ZNF680: variants seen among roughly 807,000 people sequenced by gnomAD.
The protein encoded by ZNF680 is hypothetical protein FLJ90430.
Under a neutral mutation model 12.1 loss-of-function variants are expected in ZNF680, and 6 were observed. That is an observed-to-expected ratio of 0.49 (90% CI 0.27 to 0.98). The LOEUF (loss-of-function observed/expected upper bound fraction) is 0.98, where lower values mean the gene tolerates loss of function less well. Ranked by LOEUF, ZNF680 falls within the 50% of genes least tolerant of loss-of-function variation. ZNF680 has a pLI of 0.12. For synonymous variants in ZNF680, 170 were observed against 199.3 expected (o/e 0.85, Z 1.24); for missense variants, 561 against 616.3 (o/e 0.91, Z 0.95).
intron 1 of ZNF680, 112 bp from the exon 2 acceptor site, chr7:64,544,544 C>T: frequency 6.8e-7 from 1 of 1,465,528 alleles, no homozygotes; most frequent in Non-Finnish European, 9.0e-7. Context: ...GTATAGAAAA[C>T]TGATTCTGAC....
At chr7:64,523,327 T>G (rs184760621) in intron 3 of ZNF680, among the ~76,000 whole-genome samples, 1 of 152,094 alleles carries the variant, frequency 6.6e-6, no homozygotes, top group Non-Finnish European at 1.5e-5. Context: ...ATAATGTATA[T>G]TGTATCCTTT....
the ZNF680 span, among the ~76,000 whole-genome samples, chr7:64,513,086 G>A: frequency 7.2e-5 from 11 of 152,200 alleles, no homozygotes; most frequent in South Asian, 6.2e-4. Flanking sequence ...GCCAAAAAGC[G>A]TATGTGCCCC....
chr7:64,518,017 C>T (rs1791388984), downstream of ZNF680, among the ~76,000 whole-genome samples: 1 of 152,044 alleles, frequency 6.6e-6, no homozygotes, highest in African/African-American at 2.4e-5. Context: ...TCTCTGAAAA[C>T]AGGAACAACA....
chr7:64,547,829 T>C (rs1786864079), intron 1 of ZNF680, among the ~76,000 whole-genome samples: 1 of 152,138 alleles, frequency 6.6e-6, no homozygotes, highest in Admixed American at 6.5e-5. Context: ...TTTATAAAAA[T>C]AAAAAATTAA....
intron 1 of ZNF680, among the ~76,000 whole-genome samples, chr7:64,556,972 C>T (rs920177284): frequency 6.6e-5 from 10 of 152,192 alleles, no homozygotes; most frequent in African/African-American, 9.6e-5. Flanking sequence ...TAAGGCGGGA[C>T]GGGTACAGTG....
At chr7:64,504,053 T>C in the ZNF680 span, among the ~76,000 whole-genome samples, 2 of 152,184 alleles carry the variant, frequency 1.3e-5, no homozygotes, top group African/African-American at 4.8e-5. Context: ...AGATAGCAAA[T>C]ATACAGCAGA....
the ZNF680 span, among the ~76,000 whole-genome samples, chr7:64,511,606 C>T: frequency 6.8e-6 from 1 of 146,068 alleles, no homozygotes; most frequent in African/African-American, 2.6e-5. Flanking sequence ...AAAAAAAAAC[C>T]TTGCCCTTGC....
chr7:64,558,234 CTA>C (rs780886988), intron 1 of ZNF680, among the ~76,000 whole-genome samples: 12 of 151,830 alleles, frequency 7.9e-5, no homozygotes, highest in African/African-American at 1.2e-4. Context: ...ATGCAGGAGA[CTA>C]TAAACACTTT....
the ZNF680 span, among the ~76,000 whole-genome samples, chr7:64,505,661 T>G: frequency 6.6e-6 from 1 of 152,202 alleles, no homozygotes; most frequent in African/African-American, 2.4e-5. Context: ...GTGAGCCCTT[T>G]CATCCAGGTT....
chr7:64,523,600 T>C (rs1196705684), intron 3 of ZNF680, among the ~76,000 whole-genome samples: 1 of 152,128 alleles, frequency 6.6e-6, no homozygotes, highest in East Asian at 1.9e-4. Context: ...GAGATATACT[T>C]TCATTAAAGG....
intron 1 of ZNF680, among the ~76,000 whole-genome samples, chr7:64,561,580 C>A (rs1355248999): frequency 6.6e-6 from 1 of 152,138 alleles, no homozygotes; most frequent in Non-Finnish European, 1.5e-5. Context: ...GAAAACAAAT[C>A]TTTTAAAAAG....
At chr7:64,524,117 T>C (rs950449235) in intron 3 of ZNF680, among the ~76,000 whole-genome samples, 3 of 151,714 alleles carry the variant, frequency 2.0e-5, no homozygotes, top group Non-Finnish European at 4.4e-5. Flanking sequence ...GAAATATACT[T>C]GAAGTCAAAC....
intron 1 of ZNF680, 39 bp from the exon 2 acceptor site, chr7:64,544,471 CTT>C (rs1786678255): frequency 1.3e-6 from 2 of 1,517,408 alleles, no homozygotes; most frequent in African/African-American, 1.4e-5. Context: ...CACACACACA[CTT>C]ATATATTTAC....
intron 3 of ZNF680, among the ~76,000 whole-genome samples, chr7:64,534,672 C>T (rs1786064258): frequency 6.6e-6 from 1 of 152,156 alleles, no homozygotes; most frequent in African/African-American, 2.4e-5. Context: ...TATCTACCCA[C>T]AGGAAAAGAA....
chr7:64,539,295 G>A (rs888408710), intron 3 of ZNF680, among the ~76,000 whole-genome samples: 25 of 137,016 alleles, frequency 1.8e-4, no homozygotes, highest in African/African-American at 6.1e-4. Flanking sequence ...AGGTAGAGGT[G>A]AGCCAAGATG....
intron 1 of ZNF680, among the ~76,000 whole-genome samples, chr7:64,560,391 G>C (rs1357182133): frequency 6.6e-6 from 1 of 152,112 alleles, no homozygotes; most frequent in South Asian, 2.1e-4. Context: ...TAGGATTACA[G>C]GCGTGTGCCA....
chr7:64,558,599 T>A (rs1787548906), intron 1 of ZNF680, among the ~76,000 whole-genome samples: 4 of 152,158 alleles, frequency 2.6e-5, no homozygotes, highest in Admixed American at 2.6e-4. Flanking sequence ...CAGATGTAGT[T>A]AAGGTTAAGA....
chr7:64,541,835 G>A (rs1234023949), intron 3 of ZNF680, among the ~76,000 whole-genome samples: 2 of 152,312 alleles, frequency 1.3e-5, no homozygotes, highest in Non-Finnish European at 2.9e-5. Flanking sequence ...CAGGCCTGCA[G>A]ACCTTGTCCT....
Position 64,520,845 on chromosome 7 carries a change from TTTC to T in ZNF680, c.*313_*315del. The T allele has an allele frequency of 4.7e-6, 1 of 214,514 alleles. No homozygotes were observed. The highest frequency in any genetic ancestry group is 2.3e-5 in the African/African-American group (1 of 42,860). The allele number at this position is 214,514 out of a possible 1,614,324, so 13.3% of individuals were successfully genotyped here. On this transcript the variant is annotated 3_prime_UTR_variant, in exon 4 of 4. Transcript: ENST00000309683. Reference sequence around the variant, plus strand: ...CTTTAAAGTGTTATGTTTTCTGAAATTTCTTTTGACAGTAATTGCATTTATAAT... The same window carrying T: ...CTTTAAAGTGTTATGTTTTCTGAAATTTTTGACAGTAATTGCATTTATAAT...
Sources: allele counts gnomAD v4.1 joint callset (sites outside exome capture counted in the v4.1 genomes callset), GRCh38; gene constraint gnomAD v4.1.1; transcripts MANE v1.5; gene names NCBI Gene and HGNC (gene_info 2026-07-23, HGNC 2026-07-21).